ZNF503: variants seen among roughly 807,000 people sequenced by gnomAD.
The protein encoded by ZNF503 is NocA-like zinc finger 2.
Under a neutral mutation model 34.4 loss-of-function variants are expected in ZNF503, and 15 were observed. That is an observed-to-expected ratio of 0.44 (90% CI 0.29 to 0.67). ZNF503 has a LOEUF of 0.67. Among genes scored for constraint, ZNF503 ranks in the 30% least tolerant of loss-of-function variants. ZNF503 has a pLI of 0.13. For synonymous variants in ZNF503, 580 were observed against 456.8 expected, an observed-to-expected ratio of 1.27 and a Z score of -3.44; for missense variants, 1,007 against 926.8, an observed-to-expected ratio of 1.09 and a Z score of -1.12.
the ZNF503 span, among the ~76,000 whole-genome samples, chr10:75,345,764 T>A: frequency 6.6e-6 from 1 of 151,814 alleles, no homozygotes; most frequent in African/African-American, 2.4e-5. Flanking sequence ...AGATGCTTGT[T>A]ATGGGGGCTG....
At chr10:75,291,662 TGTA>T in the ZNF503 span, among the ~76,000 whole-genome samples, 1 of 152,142 alleles carries the variant, frequency 6.6e-6, no homozygotes, top group Non-Finnish European at 1.5e-5. Context: ...ATCTTAAACT[TGTA>T]GTCAGCTGAA....
the ZNF503 span, among the ~76,000 whole-genome samples, chr10:75,382,088 G>T: frequency 6.6e-6 from 1 of 151,814 alleles, no homozygotes; most frequent in South Asian, 2.1e-4. Flanking sequence ...GAGATTATAG[G>T]CCTGAGCCAC....
At chr10:75,378,717 T>C in the ZNF503 span, among the ~76,000 whole-genome samples, 3 of 151,962 alleles carry the variant, frequency 2.0e-5, no homozygotes, top group African/African-American at 7.3e-5. Flanking sequence ...ACATTTGGAG[T>C]TTGAAGTCAG....
the ZNF503 span, among the ~76,000 whole-genome samples, chr10:75,307,683 A>G: frequency 6.6e-6 from 1 of 152,260 alleles, no homozygotes; most frequent in African/African-American, 2.4e-5. Context: ...CAAAGCTTCA[A>G]AGGAAAGGCA....
At chr10:75,320,574 T>G in the ZNF503 span, among the ~76,000 whole-genome samples, 4,461 of 152,244 alleles carry the variant, frequency 0.029, 208 homozygotes, top group African/African-American at 0.1. Flanking sequence ...TCCTAGCACT[T>G]TGGGAGGCCA....
the ZNF503 span, among the ~76,000 whole-genome samples, chr10:75,342,626 C>G: frequency 6.7e-6 from 1 of 149,186 alleles, no homozygotes; most frequent in Admixed American, 6.7e-5. Context: ...GTAAAGCTGA[C>G]ACTGGGGATA....
At chr10:75,331,222 G>A in the ZNF503 span, among the ~76,000 whole-genome samples, 1 of 152,184 alleles carries the variant, frequency 6.6e-6, no homozygotes, top group East Asian at 1.9e-4. Flanking sequence ...GGCCAAACAT[G>A]TGGTCTATTC....
At chr10:75,395,967 ACC>A (rs1843691973), downstream of ZNF503, among the ~76,000 whole-genome samples, 1 of 151,888 alleles carries the variant, frequency 6.6e-6, no homozygotes, top group African/African-American at 2.4e-5. This position sits in a 1 kb window ranked among gnomAD's most constrained non-coding sequence, Gnocchi z 4.4. Context: ...TCGCTCAGGG[ACC>A]CCTGTCCGAA....
At chr10:75,381,805 CTTTTTTTTTTTTTTTTTT>C in the ZNF503 span, among the ~76,000 whole-genome samples, 6 of 38,654 alleles carry the variant, frequency 1.6e-4, no homozygotes, top group South Asian at 1.2e-3. Flanking sequence ...GAACCTAATT[CTTTTTTTTTTTTTTTTTT>C]TTTTTTTTTT....
At chr10:75,378,757 C>T in the ZNF503 span, among the ~76,000 whole-genome samples, 2 of 152,088 alleles carry the variant, frequency 1.3e-5, no homozygotes, top group African/African-American at 2.4e-5. Context: ...AGAACACAAG[C>T]ACAGATGCAC....
At chr10:75,369,796 C>T in the ZNF503 span, among the ~76,000 whole-genome samples, 8 of 151,836 alleles carry the variant, frequency 5.3e-5, no homozygotes, top group Non-Finnish European at 1.2e-4. Context: ...TCTTGGTGGC[C>T]GGGCTAACAC....
the ZNF503 span, among the ~76,000 whole-genome samples, chr10:75,336,045 T>C: frequency 6.6e-6 from 1 of 152,230 alleles, no homozygotes; most frequent in South Asian, 2.1e-4. Flanking sequence ...ATCATAAGAC[T>C]GGAGAAACCT....
In ZNF503 at chr10:75,401,334, T is replaced by C. The variant is rs1027382680; in HGVS notation, c.86A>G (p.Asp29Gly). The change falls in exon 1 of 2, where the codon GAC (aspartate) becomes GGC (glycine). Residue 29 changes from aspartate to glycine, a missense_variant. Transcript: ENST00000372524. The stretch of plus-strand genomic sequence containing the variant: ...AGAGAGCGCGCTGGTCCAGGCAGGG[T>C]CTGCACCGCCGCCTCCGCCTCCGCC... ...GGGGGGGGGA[D>G]PAWTSALSGN... is the part of the protein sequence containing the mutation. 3 of 1,444,782 alleles carry C rather than the reference T, an allele frequency of 2.1e-6. No homozygotes were observed. Among genetic ancestry groups the C allele is most frequent in the South Asian group, 1.2e-5 (1 of 83,306 alleles). The allele number at this position is 1,444,782 out of a possible 1,614,324, so 89.5% of individuals were successfully genotyped here. A position where few individuals can be genotyped will look rare whatever the true frequency, so the allele number is the denominator to read the frequency against.
chr10:75,379,407 T>C, the ZNF503 span, among the ~76,000 whole-genome samples: 1 of 152,248 alleles, frequency 6.6e-6, no homozygotes, highest in East Asian at 1.9e-4. Context: ...ATTTGCTTGA[T>C]GCAGTAGATC....
the ZNF503 span, among the ~76,000 whole-genome samples, chr10:75,299,437 A>G: frequency 6.6e-6 from 1 of 152,068 alleles, no homozygotes; most frequent in Non-Finnish European, 1.5e-5. Flanking sequence ...CTGTCGAATT[A>G]TCTATTTCTC....
chr10:75,381,805 CTTTTTTTTTTTT>C, the ZNF503 span, among the ~76,000 whole-genome samples: 50 of 38,658 alleles, frequency 1.3e-3, no homozygotes, highest in South Asian at 0.019. Context: ...GAACCTAATT[CTTTTTTTTTTTT>C]TTTTTTTTTT....
chr10:75,392,474 G>T, the ZNF503 span, among the ~76,000 whole-genome samples: 1 of 152,178 alleles, frequency 6.6e-6, no homozygotes, highest in South Asian at 2.1e-4. Context: ...GGGCTTCCTG[G>T]AAGAGGAGAT....
At chr10:75,320,342 G>A in the ZNF503 span, among the ~76,000 whole-genome samples, 4 of 151,944 alleles carry the variant, frequency 2.6e-5, no homozygotes, top group African/African-American at 9.7e-5. Flanking sequence ...ATTAGCTGGC[G>A]TGGTGGATTG....
the ZNF503 span, among the ~76,000 whole-genome samples, chr10:75,297,706 C>T: frequency 6.6e-6 from 1 of 152,166 alleles, no homozygotes; most frequent in East Asian, 1.9e-4. Context: ...AGGCCCATGT[C>T]ATTTAAGAAA....
Sources: gnomAD v4.1 joint callset for allele counts (sites outside exome capture counted in the v4.1 genomes callset) on GRCh38, gnomAD v4.1.1 for gene constraint, Gnocchi (gnomAD v3.1) non-coding constraint, MANE v1.5 for transcripts, NCBI Gene and HGNC (gene_info 2026-07-23, HGNC 2026-07-21) for gene names.